CAST: variants seen among roughly 807,000 people sequenced by gnomAD.
The protein encoded by CAST is calpastatin.
A neutral mutation model predicts 119.6 loss-of-function variants in CAST; 76 were observed. That is an observed-to-expected ratio of 0.64 (90% CI 0.53 to 0.77). The LOEUF (loss-of-function observed/expected upper bound fraction) is 0.77, where lower values mean the gene tolerates loss of function less well. Ranked by LOEUF, CAST falls within the 30% of genes least tolerant of loss-of-function variation. The pLI, the probability that CAST is intolerant of heterozygous loss-of-function variation, is 0.00. For synonymous variants in CAST, 319 were observed against 331.6 expected (o/e 0.96, Z 0.41); for missense variants, 953 against 946.5 (o/e 1.01, Z -0.09).
intron 1 of CAST, among the ~76,000 whole-genome samples, chr5:96,619,525 T>C (rs893250355): frequency 2.0e-5 from 3 of 152,236 alleles, no homozygotes; most frequent in Non-Finnish European, 2.9e-5. Context: ...CTGGGTCCTC[T>C]TCCACAGTGT....
chr5:96,238,145 T>C, the CAST span, among the ~76,000 whole-genome samples: 1 of 152,084 alleles, frequency 6.6e-6, no homozygotes, highest in Non-Finnish European at 1.5e-5. Context: ...TTTAATACAT[T>C]TTAACCTTTG....
upstream of CAST, among the ~76,000 whole-genome samples, chr5:96,524,493 A>G (rs1312080477): frequency 1.3e-5 from 2 of 152,180 alleles, no homozygotes; most frequent in Non-Finnish European, 2.9e-5. Context: ...GACCAGGGCC[A>G]CCATGCTCAT....
chr5:96,201,857 C>T, the CAST span, among the ~76,000 whole-genome samples: 27 of 152,096 alleles, frequency 1.8e-4, no homozygotes, highest in African/African-American at 5.8e-4. Context: ...CCATCTCCTA[C>T]GGTAGGTTGT....
chr5:96,592,549 A>T (rs1455517709), intron 1 of CAST, among the ~76,000 whole-genome samples: 1 of 152,160 alleles, frequency 6.6e-6, no homozygotes, highest in African/African-American at 2.4e-5. Context: ...AAAGAATCCC[A>T]GTTTTAGCTT....
At chr5:95,997,185 G>A in the CAST span, among the ~76,000 whole-genome samples, 1 of 152,086 alleles carries the variant, frequency 6.6e-6, no homozygotes. Context: ...ACAACACACT[G>A]TATATTGATT....
the CAST span, among the ~76,000 whole-genome samples, chr5:96,073,168 C>T: frequency 6.6e-6 from 1 of 152,184 alleles, no homozygotes; most frequent in Non-Finnish European, 1.5e-5. Context: ...AACAGTATGA[C>T]ATGTCCACAT....
At chr5:96,587,563 G>A (rs1746882677) in intron 1 of CAST, among the ~76,000 whole-genome samples, 1 of 152,156 alleles carries the variant, frequency 6.6e-6, no homozygotes, top group African/African-American at 2.4e-5. Flanking sequence ...TCTTTAATTT[G>A]TAAAAGCTAT....
the CAST span, among the ~76,000 whole-genome samples, chr5:96,486,803 C>G: frequency 6.6e-6 from 1 of 152,172 alleles, no homozygotes; most frequent in Non-Finnish European, 1.5e-5. Context: ...TCCATGTACT[C>G]TATCCTGATC....
At chr5:96,662,372 C>A, upstream of CAST, 1 of 1,406,534 alleles carries the variant, frequency 7.1e-7, no homozygotes, top group Non-Finnish European at 9.2e-7. Flanking sequence ...CAGGCCTCCC[C>A]GCCACTCTCC....
the CAST span, among the ~76,000 whole-genome samples, chr5:96,140,118 T>C: frequency 2.6e-5 from 4 of 152,216 alleles, no homozygotes; most frequent in African/African-American, 9.6e-5. Flanking sequence ...ATTTCTTAGA[T>C]TGACATCCTA....
At chr5:96,220,919 G>C in the CAST span, among the ~76,000 whole-genome samples, 1 of 152,120 alleles carries the variant, frequency 6.6e-6, no homozygotes, top group Non-Finnish European at 1.5e-5. Flanking sequence ...GTCAGAGAAG[G>C]AAGAGTTGCA....
At chr5:96,593,995 C>T (rs1008836649) in intron 1 of CAST, among the ~76,000 whole-genome samples, 3 of 152,192 alleles carry the variant, frequency 2.0e-5, no homozygotes, top group African/African-American at 4.8e-5. Flanking sequence ...ATTTGCAATG[C>T]CAAAGATCAC....
intron 4 of CAST, among the ~76,000 whole-genome samples, chr5:96,724,824 AAAATAAATAAAT>A (rs150344814): frequency 6.7e-6 from 1 of 150,024 alleles, no homozygotes; most frequent in Non-Finnish European, 1.5e-5. Context: ...CCCTGTCTCA[AAAATAAATAAAT>A]AAATAAATAA....
chr5:96,654,797 T>G (rs1038171298), intron 1 of CAST, among the ~76,000 whole-genome samples: 6 of 152,186 alleles, frequency 3.9e-5, no homozygotes, highest in Non-Finnish European at 4.4e-5. Flanking sequence ...ATAAAGACCA[T>G]GTATATTTGT....
chr5:96,203,165 A>AT, the CAST span, among the ~76,000 whole-genome samples: 1 of 151,954 alleles, frequency 6.6e-6, no homozygotes, highest in East Asian at 1.9e-4. Context: ...TTTACATAAT[A>AT]TATCGTGATC....
the CAST span, among the ~76,000 whole-genome samples, chr5:96,493,131 T>A: frequency 6.6e-6 from 1 of 152,244 alleles, no homozygotes; most frequent in African/African-American, 2.4e-5. Flanking sequence ...TATAAGTCAC[T>A]GATTTATTTT....
chr5:96,245,533 T>C, the CAST span, among the ~76,000 whole-genome samples: 1 of 152,094 alleles, frequency 6.6e-6, no homozygotes, highest in Non-Finnish European at 1.5e-5. Flanking sequence ...GTTAACAATT[T>C]GCCCCACTGA....
chr5:96,516,406 A>T, the CAST span, among the ~76,000 whole-genome samples: 2 of 152,154 alleles, frequency 1.3e-5, no homozygotes, highest in African/African-American at 4.8e-5. Context: ...AATTTCTTAC[A>T]TTTTTGGCAT....
At chr5:96,227,781 G>A in the CAST span, among the ~76,000 whole-genome samples, 2 of 152,062 alleles carry the variant, frequency 1.3e-5, no homozygotes, top group Admixed American at 6.6e-5. Flanking sequence ...TCTAGATAAA[G>A]CCTTGAGGCT....
Sources: allele counts gnomAD v4.1 joint callset (sites outside exome capture counted in the v4.1 genomes callset), GRCh38; gene constraint gnomAD v4.1.1; transcripts MANE v1.5; gene names NCBI Gene and HGNC (gene_info 2026-07-23, HGNC 2026-07-21).